Variants in MGST3 observed in about 807,000 individuals in gnomAD.
The protein encoded by MGST3 is microsomal glutathione S-transferase 3.
A neutral mutation model predicts 15.8 loss-of-function variants in MGST3; 13 were observed. The ratio of observed to expected loss-of-function variants is 0.82; its 90% confidence interval spans 0.54 to 1.31. The LOEUF (loss-of-function observed/expected upper bound fraction) is 1.31, where lower values mean the gene tolerates loss of function less well. Ranked by LOEUF, MGST3 falls within the 50% of genes most tolerant of loss-of-function variation. The probability of loss-of-function intolerance (pLI) is 0.00; values close to 1 mark genes in which losing one functional copy is unlikely to be tolerated. For missense variants in MGST3, 155 were observed against 192.4 expected, an observed-to-expected ratio of 0.81 and a Z score of 1.15; for synonymous variants, 49 against 68.1, an observed-to-expected ratio of 0.72 and a Z score of 1.38.
rs1301561312 is a variant in MGST3, at chr1:165,651,000, C to T, written c.118-14C>T. 1.9e-6 allele frequency: 3 copies of T among 1,613,324 alleles called. No homozygotes were observed. The highest frequency in any genetic ancestry group is 1.1e-5 in the South Asian group (1 of 91,070). The stretch of plus-strand genomic sequence containing the variant: ...CTCTTGACCATCTGATCAGTATGTG[C>T]TTTGTTGTGACAGTATCCTATCATG... On this transcript the variant is annotated splice_polypyrimidine_tract_variant and intron_variant, in intron 2 of 5. Transcript: ENST00000367889.
At chr1:165,633,466 C>T (rs1377644383) in intron 1 of MGST3, among the ~76,000 whole-genome samples, 1 of 151,790 alleles carries the variant, frequency 6.6e-6, no homozygotes, top group Non-Finnish European at 1.5e-5. Flanking sequence ...TTTTTTAAAG[C>T]AAAAATTAAT....
At chr1:165,639,081 T>C (rs1271438098) in intron 1 of MGST3, among the ~76,000 whole-genome samples, 2 of 152,198 alleles carry the variant, frequency 1.3e-5, no homozygotes, top group Non-Finnish European at 2.9e-5. Flanking sequence ...TGATCCTCTA[T>C]GTAAAGTATT....
chr1:165,638,286 C>T (rs937747259), intron 1 of MGST3, among the ~76,000 whole-genome samples: 3 of 152,136 alleles, frequency 2.0e-5, no homozygotes, highest in African/African-American at 7.2e-5. Context: ...CGAGACCAGC[C>T]TGGCCAACAT....
At chr1:165,650,858 C>A (rs1648532857) in intron 2 of MGST3, 156 bp from the exon 3 acceptor site, 2 of 693,266 alleles carry the variant, frequency 2.9e-6, no homozygotes, top group Non-Finnish European at 5.3e-6. Flanking sequence ...AATTGAGACC[C>A]TTGTCACCAT....
At chr1:165,635,575 A>G (rs775590513) in intron 1 of MGST3, among the ~76,000 whole-genome samples, 15 of 152,218 alleles carry the variant, frequency 9.9e-5, no homozygotes, top group Non-Finnish European at 1.9e-4. Flanking sequence ...CAGTGCAGCC[A>G]TGTATTAAGC....
At chr1:165,651,911 A>AAAAAAAAAAATT in intron 3 of MGST3, 67 bp from the exon 4 acceptor site, 1 of 1,039,826 alleles carries the variant, frequency 9.6e-7, no homozygotes, top group African/African-American at 1.6e-5. Flanking sequence ...AAAAAAAAAA[A>AAAAAAAAAAATT]TTCATAATTC....
Position 165,649,856 on chromosome 1 carries a change from C to T in MGST3, c.9C>T (p.Val3=), listed in dbSNP as rs1648505303. Residue 3 remains valine, a synonymous_variant, in exon 2 of 6, where the codon GTC becomes GTT. Transcript: ENST00000367889. The stretch of plus-strand genomic sequence containing the variant: ...TCTTCCACAGACGCAAGATGGCTGT[C>T]CTCTCTAAGGAATATGGTTTTGTGC... MA[V]LSKEYGFVLL... The T allele has an allele frequency of 1.2e-6, 2 of 1,614,098 alleles. No homozygotes were observed. The highest frequency in any genetic ancestry group is 1.7e-6 in the Non-Finnish European group (2 of 1,180,036).
intron 5 of MGST3, 35 bp from the exon 6 acceptor site, chr1:165,655,333 A>G (rs1368637649): frequency 5.6e-6 from 9 of 1,613,270 alleles, no homozygotes; most frequent in Non-Finnish European, 7.6e-6. Flanking sequence ...ATTCTGGAGC[A>G]CTCCTGGTAA....
chr1:165,644,424 A>C (rs9333439), intron 1 of MGST3, among the ~76,000 whole-genome samples: 2 of 152,314 alleles, frequency 1.3e-5, no homozygotes, highest in South Asian at 4.1e-4. Flanking sequence ...ATCCAGTAAC[A>C]ATATGGTATA....
Position 165,642,055 on chromosome 1 carries a change from C to T in MGST3, c.-7-7786C>T, listed in dbSNP as rs181531632. 2.0e-5 allele frequency among the ~76,000 whole-genome samples: 3 copies of T among 152,292 alleles called. No individual in the cohort carries two copies. The South Asian group carries it at 6.2e-4, about 32-fold the overall frequency. Reference sequence around the variant, plus strand: ...ACTCTTTCATCCTATTTCTGTCTTTCCCTACCCATTTATTTTGTTTTTGTT... The same window carrying T: ...ACTCTTTCATCCTATTTCTGTCTTTTCCTACCCATTTATTTTGTTTTTGTT... On this transcript the variant is annotated intron_variant, in intron 1 of 5. Coordinates refer to ENST00000367889, the MANE Select transcript of MGST3 (RefSeq NM_004528.4).
intron 1 of MGST3, chr1:165,635,956 T>C: frequency 6.6e-6 from 1 of 152,242 alleles, no homozygotes; most frequent in East Asian, 1.9e-4. Context: ...ATCTACTGAA[T>C]ATGCAATGCA....
Position 165,655,527 on chromosome 1 carries a change from T to C in MGST3, c.*23T>C. The C allele has an allele frequency of 6.2e-7, 1 of 1,613,840 alleles. No individual in the cohort carries two copies. Among genetic ancestry groups the C allele is most frequent in the Non-Finnish European group, 8.5e-7 (1 of 1,179,832 alleles). On this transcript the variant is annotated 3_prime_UTR_variant, in exon 6 of 6. Coordinates refer to ENST00000367889, the MANE Select transcript of MGST3 (RefSeq NM_004528.4). The stretch of plus-strand genomic sequence containing the variant: ...TAAAGAATTATAGGGGTTTAAAAAC[T>C]CTCATTCATTTTAAATGACTTACCT...
At chr1:165,637,806 G>A (rs935815660) in intron 1 of MGST3, among the ~76,000 whole-genome samples, 3 of 152,174 alleles carry the variant, frequency 2.0e-5, no homozygotes, top group African/African-American at 7.2e-5. Context: ...TTAGGAGTTA[G>A]ACCAACACTG....
intron 1 of MGST3, among the ~76,000 whole-genome samples, chr1:165,644,504 C>T (rs1328250971): frequency 6.6e-6 from 1 of 152,186 alleles, no homozygotes; most frequent in Middle Eastern, 3.2e-3. Flanking sequence ...GGAAGTTGCT[C>T]TGGATGAGTC....
At chr1:165,649,567 CATA>C (rs931189957) in intron 1 of MGST3, 2 of 401,084 alleles carry the variant, frequency 5.0e-6, no homozygotes, top group African/African-American at 2.0e-5. Flanking sequence ...AGATAAATCT[CATA>C]ATGTTGATCA....
Position 165,637,080 on chromosome 1 carries a change from T to C in MGST3, c.-8+5787T>C, listed in dbSNP as rs186283338. 2.0e-5 allele frequency: 3 copies of C among 152,328 alleles called. No homozygotes were observed. In the East Asian group the frequency reaches 5.8e-4, roughly 29 times the overall value. 9.4% of individuals were successfully genotyped at this position (152,328 alleles called of 1,614,324 possible). On this transcript the variant is annotated intron_variant, in intron 1 of 5. Transcript: ENST00000367889. ...CTCATTAAAATATTGATTTTTGCCA[T>C]GTAAGGAAGATTGGAATAGCACAGG...
In MGST3 at chr1:165,651,962, T is replaced by C. The variant is rs781502384; in HGVS notation, c.192-16T>C. ...AAAAAGGGCACTTTTTAAAAGTTTCTTTCTGTCAATTCCAGGTTGGAAGTG... is the reference window on the plus strand; with the variant it reads ...AAAAAGGGCACTTTTTAAAAGTTTCCTTCTGTCAATTCCAGGTTGGAAGTG... On this transcript the variant is annotated splice_polypyrimidine_tract_variant and intron_variant, in intron 3 of 5. Coordinates refer to ENST00000367889, the MANE Select transcript of MGST3 (RefSeq NM_004528.4). 5.2e-5 allele frequency: 83 copies of C among 1,602,526 alleles called. No individual in the cohort carries two copies. Among genetic ancestry groups the C allele is most frequent in the Non-Finnish European group, 6.1e-5 (71 of 1,171,192 alleles).
intron 4 of MGST3, 33 bp from the exon 5 acceptor site, chr1:165,654,246 C>A (rs376203864): frequency 1.2e-6 from 2 of 1,604,674 alleles, no homozygotes; most frequent in South Asian, 2.2e-5. Flanking sequence ...TTGTTTCTTT[C>A]ATGCAAATAC....
At chr1:165,633,462 A>G (rs1283904387) in intron 1 of MGST3, among the ~76,000 whole-genome samples, 1 of 152,022 alleles carries the variant, frequency 6.6e-6, no homozygotes, top group Non-Finnish European at 1.5e-5. Flanking sequence ...TTATTTTTTT[A>G]AAGCAAAAAT....
Sources: allele counts gnomAD v4.1 joint callset (sites outside exome capture counted in the v4.1 genomes callset), GRCh38; gene constraint gnomAD v4.1.1; transcripts MANE v1.5; gene names NCBI Gene and HGNC (gene_info 2026-07-23, HGNC 2026-07-21).